CARMIL1: variants seen among roughly 807,000 people sequenced by gnomAD.
CARMIL1 encodes F-actin-uncapping protein LRRC16A.
CARMIL1 carries 90 observed loss-of-function variants against 177.1 expected under a neutral mutation model. The ratio of observed to expected loss-of-function variants is 0.51; its 90% CI spans 0.43 to 0.61. CARMIL1 has a LOEUF of 0.61. CARMIL1 is among the 20% of genes least tolerant of loss of function. The probability of loss-of-function intolerance (pLI) is 0.00; values close to 1 mark genes in which losing one functional copy is unlikely to be tolerated. For synonymous variants in CARMIL1, 577 were observed against 606.2 expected, an observed-to-expected ratio of 0.95 and a Z score of 0.71; for missense variants, 1,380 against 1,667.0, an observed-to-expected ratio of 0.83 and a Z score of 3.00.
intron 2 of CARMIL1, among the ~76,000 whole-genome samples, chr6:25,317,515 C>G (rs1040649154): frequency 2.5e-5 from 3 of 121,652 alleles, no homozygotes; most frequent in African/African-American, 9.3e-5. Flanking sequence ...AATTCCTAAG[C>G]TTTTTTTTTT....
chr6:25,575,031 C>G (rs533423836), intron 29 of CARMIL1, among the ~76,000 whole-genome samples: 135 of 152,320 alleles, frequency 8.9e-4, no homozygotes, highest in Middle Eastern at 3.4e-3. Context: ...CATTTATTAT[C>G]TTATTTAATC....
intron 29 of CARMIL1, among the ~76,000 whole-genome samples, chr6:25,574,248 C>A (rs1812385229): frequency 1.3e-5 from 2 of 152,110 alleles, no homozygotes; most frequent in Admixed American, 6.5e-5. Context: ...TTAAGTATTC[C>A]TAAATAAACT....
intron 27 of CARMIL1, 99 bp downstream of exon 27, chr6:25,551,184 T>C (rs1022829486): frequency 3.6e-5 from 23 of 645,254 alleles, no homozygotes; most frequent in Non-Finnish European, 4.7e-5. Context: ...CCATATATAA[T>C]GTGTTTAGGC....
At chr6:25,386,964 C>T (rs1792223782) in intron 2 of CARMIL1, among the ~76,000 whole-genome samples, 1 of 151,770 alleles carries the variant, frequency 6.6e-6, no homozygotes, top group Non-Finnish European at 1.5e-5. Context: ...AACCCCATCT[C>T]CACAAAAATA....
chr6:25,284,822 G>C lies in CARMIL1; in HGVS notation c.51G>C (p.Lys17Asn), dbSNP rs775561995. The part of the protein sequence containing the change: ...DVPRELIESI[K>N]DVIGRKIKIS... ...CCTTTTTTTTTTCAGAAAGCATAAA[G>C]GATGTTATTGGCAGAAAGATAAAAA... The change falls in exon 2 of 37, where the codon AAG (lysine) becomes AAC (asparagine). Residue 17 changes from lysine (K) to asparagine (N), a missense_variant. Coordinates refer to ENST00000329474, the MANE Select transcript of CARMIL1 (RefSeq NM_017640.6). 1 of 1,530,574 alleles carries C rather than the reference G, an allele frequency of 6.5e-7. No individual in the cohort carries two copies. Among genetic ancestry groups the C allele is most frequent in the Non-Finnish European group, 8.9e-7 (1 of 1,123,284 alleles). The allele number at this position is 1,530,574 out of a possible 1,614,324, so 94.8% of individuals were successfully genotyped here.
At chr6:25,391,221 A>G (rs1241262027) in intron 2 of CARMIL1, among the ~76,000 whole-genome samples, 1 of 152,246 alleles carries the variant, frequency 6.6e-6, no homozygotes, top group East Asian at 1.9e-4. Context: ...CACTAATGTC[A>G]TTATAATAGG....
At chr6:25,329,272 G>A (rs943884836) in intron 2 of CARMIL1, among the ~76,000 whole-genome samples, 1 of 152,196 alleles carries the variant, frequency 6.6e-6, no homozygotes, top group Non-Finnish European at 1.5e-5. Context: ...TTTGTGCTTA[G>A]CAGGAATCGG....
At chr6:25,428,548 A>C (rs995328190) in intron 4 of CARMIL1, among the ~76,000 whole-genome samples, 1 of 152,200 alleles carries the variant, frequency 6.6e-6, no homozygotes, top group African/African-American at 2.4e-5. Context: ...GAAACACCTC[A>C]GTTTCTATAA....
At chr6:25,359,516 C>G (rs1187706258) in intron 2 of CARMIL1, among the ~76,000 whole-genome samples, 3 of 152,204 alleles carry the variant, frequency 2.0e-5, no homozygotes, top group Admixed American at 6.5e-5. Context: ...AACTTTGAGG[C>G]AGGCACACAA....
chr6:25,340,087 A>G lies in CARMIL1; in HGVS notation c.138+55178A>G, dbSNP rs139638405. Among the ~76,000 whole-genome samples the G allele has an allele frequency of 4.3e-3, 655 of 152,304 alleles. 13 individuals are homozygous for G. The highest frequency in any genetic ancestry group is 0.029 in the Admixed American group (451 of 15,296). On this transcript the variant is annotated intron_variant, in intron 2 of 36. Transcript: ENST00000329474. ...TTCCATTCTTGCAGATCCATTGCCC[A>G]TATCCTTAAGATGTTTTCTTTAAGC...
chr6:25,369,584 A>T (rs1415052104), intron 2 of CARMIL1, among the ~76,000 whole-genome samples: 1 of 151,840 alleles, frequency 6.6e-6, no homozygotes, highest in Non-Finnish European at 1.5e-5. Context: ...CTATGTATCG[A>T]GGTGGCAAAT....
At chr6:25,300,271 G>A (rs577537106) in intron 2 of CARMIL1, among the ~76,000 whole-genome samples, 27 of 152,200 alleles carry the variant, frequency 1.8e-4, no homozygotes, top group Admixed American at 5.2e-4. Flanking sequence ...CCACCACATA[G>A]CAATTTGTCT....
At chr6:25,393,786 G>A (rs1427117443) in intron 2 of CARMIL1, among the ~76,000 whole-genome samples, 2 of 151,662 alleles carry the variant, frequency 1.3e-5, no homozygotes, top group Non-Finnish European at 2.9e-5. Flanking sequence ...GAACCCAGGA[G>A]TTGGAGGCTG....
At chr6:25,414,420 A>G (rs2150660610) in intron 2 of CARMIL1, among the ~76,000 whole-genome samples, 1 of 152,340 alleles carries the variant, frequency 6.6e-6, no homozygotes, top group South Asian at 2.1e-4. Flanking sequence ...AGAAGTATTC[A>G]TTATCAGGAA....
intron 29 of CARMIL1, chr6:25,563,699 A>AG: frequency 1.0e-6 from 1 of 985,386 alleles, no homozygotes; most frequent in Non-Finnish European, 1.2e-6. Flanking sequence ...GCTTCTTGCT[A>AG]GGAATGGAAG....
rs558198609 is a variant in CARMIL1, at chr6:25,517,871, A to G, written c.1874+456A>G. 4.6e-5 allele frequency among the ~76,000 whole-genome samples: 7 copies of G among 152,358 alleles called. No homozygotes were observed. In the East Asian group the frequency reaches 1.3e-3, roughly 29 times the overall value. ...AAGCCCAGGGCTAAGTTGTCTCATT[A>G]CTATGAAAGACTTTCTTCATTACTT... On this transcript the variant is annotated intron_variant, in intron 22 of 36. Coordinates refer to ENST00000329474, the MANE Select transcript of CARMIL1 (RefSeq NM_017640.6).
intron 2 of CARMIL1, among the ~76,000 whole-genome samples, chr6:25,297,759 C>T (rs1048738443): frequency 6.6e-6 from 1 of 152,338 alleles, no homozygotes; most frequent in African/African-American, 2.4e-5. Context: ...GTGTCAGCAA[C>T]ACTGTATATG....
intron 31 of CARMIL1, among the ~76,000 whole-genome samples, chr6:25,590,623 G>C (rs7739289): frequency 0.15 from 23,176 of 151,914 alleles, 1,857 homozygotes; most frequent in Middle Eastern, 0.21. Flanking sequence ...GTGTGCATGT[G>C]ATACTTGTAT....
intron 9 of CARMIL1, among the ~76,000 whole-genome samples, chr6:25,466,316 T>G (rs1189955290): frequency 6.6e-6 from 1 of 152,216 alleles, no homozygotes; most frequent in Non-Finnish European, 1.5e-5. Flanking sequence ...AAAGTTTCCC[T>G]TCCTAGGAAT....
Sources: gnomAD v4.1 joint callset for allele counts (sites outside exome capture counted in the v4.1 genomes callset) on GRCh38, gnomAD v4.1.1 for gene constraint, MANE v1.5 for transcripts, NCBI Gene and HGNC (gene_info 2026-07-23, HGNC 2026-07-21) for gene names.